ZNF723: variants seen among roughly 807,000 people sequenced by gnomAD.
ZNF723 encodes the protein zinc finger protein 723.
In ZNF723, 5 loss-of-function variants were observed where a neutral mutation model predicts 9.4. That is an observed-to-expected ratio of 0.53 (90% CI 0.28 to 1.12). The LOEUF is 1.12. Ranked by LOEUF, ZNF723 falls within the 50% of genes most tolerant of loss-of-function variation. The pLI, the probability that ZNF723 is intolerant of heterozygous loss-of-function variation, is 0.10. For synonymous variants in ZNF723, 158 were observed against 168.8 expected, an observed-to-expected ratio of 0.94 and a Z score of 0.49; for missense variants, 450 against 501.5, an observed-to-expected ratio of 0.90 and a Z score of 0.98.
chr19:22,845,864 A>T (rs1193671843), intron 1 of ZNF723, among the ~76,000 whole-genome samples: 1 of 146,862 alleles, frequency 6.8e-6, no homozygotes, highest in Non-Finnish European at 1.5e-5. Context: ...ATCCCAGAGA[A>T]GGAGGAGATA....
intron 1 of ZNF723, chr19:22,840,493 C>T (rs370590209): frequency 2.0e-5 from 3 of 152,058 alleles, no homozygotes; most frequent in African/African-American, 4.8e-5. Context: ...TTATAACGCT[C>T]ATGTTTCTCA....
the ZNF723 span, among the ~76,000 whole-genome samples, chr19:22,818,266 G>A: frequency 3.3e-5 from 5 of 151,912 alleles, no homozygotes; most frequent in Admixed American, 1.3e-4. Context: ...GGCCCAGCAC[G>A]CAGGTGAAAT....
intron 3 of ZNF723, among the ~76,000 whole-genome samples, chr19:22,855,602 C>T (rs888318683): frequency 6.6e-6 from 1 of 152,158 alleles, no homozygotes; most frequent in African/African-American, 2.4e-5. Context: ...AGGGCACATG[C>T]AGTGCCAATA....
chr19:22,823,221 A>AGAGT, the ZNF723 span, among the ~76,000 whole-genome samples: 2 of 152,326 alleles, frequency 1.3e-5, no homozygotes, highest in South Asian at 4.2e-4. Context: ...GGTGTCACCA[A>AGAGT]GAGTGTGGTA....
rs1161010776 is a variant in ZNF723, at chr19:22,857,610, T to C, written c.719T>C (p.Val240Ala). ...KCEECGKAFN[V>A]SSSLNNHKRI... Reference sequence around the variant, plus strand: ...GAAGAATGTGGCAAAGCCTTTAATGTGTCCTCAAGCCTTAATAATCATAAG... The same window carrying C: ...GAAGAATGTGGCAAAGCCTTTAATGCGTCCTCAAGCCTTAATAATCATAAG... Residue 240 changes from valine to alanine, a missense_variant, in exon 4 of 4, where the codon GTG becomes GCG. Transcript: ENST00000600766. 4 of 1,303,204 alleles carry C rather than the reference T, an allele frequency of 3.1e-6. No individual in the cohort carries two copies. Among genetic ancestry groups the C allele is most frequent in the Non-Finnish European group, 3.3e-6 (3 of 901,444 alleles). 80.7% of individuals were successfully genotyped at this position (1,303,204 alleles called of 1,614,324 possible). A position where few individuals can be genotyped will look rare whatever the true frequency, so the allele number is the denominator to read the frequency against.
At chr19:22,822,915 T>C in the ZNF723 span, among the ~76,000 whole-genome samples, 8 of 152,340 alleles carry the variant, frequency 5.3e-5, no homozygotes, top group African/African-American at 1.7e-4. Context: ...CAATGAGGGC[T>C]GTCATTCTCA....
intron 1 of ZNF723, among the ~76,000 whole-genome samples, chr19:22,837,289 A>G (rs558567501): frequency 3.5e-4 from 53 of 151,410 alleles, no homozygotes; most frequent in African/African-American, 1.2e-3. Context: ...AAAAAAAAAA[A>G]AAGAAAGAAA....
chr19:22,818,530 C>T, the ZNF723 span, among the ~76,000 whole-genome samples: 2 of 152,288 alleles, frequency 1.3e-5, no homozygotes, highest in African/African-American at 4.8e-5. Context: ...GTCCAGTCTA[C>T]AATTGAGATT....
chr19:22,851,330 C>T (rs1050547546), intron 3 of ZNF723, among the ~76,000 whole-genome samples: 1 of 151,940 alleles, frequency 6.6e-6, no homozygotes, highest in Non-Finnish European at 1.5e-5. Flanking sequence ...AGCAACCACA[C>T]CCAACTAATT....
intron 1 of ZNF723, among the ~76,000 whole-genome samples, chr19:22,837,304 AAAG>A (rs1967179451): frequency 6.6e-6 from 1 of 150,974 alleles, no homozygotes; most frequent in African/African-American, 2.5e-5. Flanking sequence ...AAGAAAGAAA[AAAG>A]AAAAGAAAGA....
At chr19:22,822,725 G>T in the ZNF723 span, among the ~76,000 whole-genome samples, 2 of 152,154 alleles carry the variant, frequency 1.3e-5, no homozygotes, top group Admixed American at 1.3e-4. Flanking sequence ...AGCTGGGTGT[G>T]GTGGTGGGTG....
In ZNF723 at chr19:22,858,243, A is replaced by C. The variant is rs1387445863; in HGVS notation, c.1352A>C (p.Lys451Thr). The change falls in exon 4 of 4, where the codon AAA becomes ACA. Residue 451 changes from lysine to threonine, a missense_variant. Physicochemically the swap from Lys to Thr is moderately conservative, Grantham distance 78. This residue lies in a region of ZNF723 where 237 missense variants were observed against 332.2 expected (regional missense o/e 0.71). Transcript: ENST00000600766. ...CATAAGATAATTCATACTAAAGAGA[A>C]ACCCTACAAATGTGAAGAATGTGGC... is the stretch of plus-strand genomic sequence containing the variant. ...TKHKIIHTKEKPYKCEECGKA... is the reference protein window; with the variant it reads ...TKHKIIHTKETPYKCEECGKA... 6 of 1,348,224 alleles carry C rather than the reference A, an allele frequency of 4.5e-6. No individual in the cohort carries two copies. In the Admixed American group the frequency reaches 1.0e-4, roughly 23 times the overall value. The allele number at this position is 1,348,224 out of a possible 1,614,324, so 83.5% of individuals were successfully genotyped here. A position where few individuals can be genotyped will look rare whatever the true frequency, so the allele number is the denominator to read the frequency against.
At chr19:22,827,432 TTTTTTG>T (rs1341476973), upstream of ZNF723, among the ~76,000 whole-genome samples, 75 of 99,140 alleles carry the variant, frequency 7.6e-4, no homozygotes, top group South Asian at 4.0e-3. Flanking sequence ...ACTATTTTTT[TTTTTTG>T]TTTTTTTGTT....
chr19:22,815,123 C>CA, the ZNF723 span, among the ~76,000 whole-genome samples: 1 of 152,078 alleles, frequency 6.6e-6, no homozygotes, highest in Non-Finnish European at 1.5e-5. Flanking sequence ...AGAATTCTGA[C>CA]ATATCACTGG....
chr19:22,856,628 C>T (rs1967483947), intron 3 of ZNF723, among the ~76,000 whole-genome samples: 1 of 152,168 alleles, frequency 6.6e-6, no homozygotes, highest in Non-Finnish European at 1.5e-5. Context: ...GCTGCTGTAA[C>T]ATTTACATTT....
the ZNF723 span, among the ~76,000 whole-genome samples, chr19:22,813,610 G>A: frequency 2.3e-4 from 35 of 151,796 alleles, no homozygotes; most frequent in East Asian, 3.0e-3. Flanking sequence ...GCATTGTGGC[G>A]GGTGTCTGTA....
At position 22,858,367 on chromosome 19, in the gene ZNF723, G is replaced by T; in HGVS notation, c.1476G>T (p.Lys492Asn). ...AAGAATGTGGCAAAGCCTTTAACAA[G>T]TCCTCAATTCTTAACAGACATAAGA... ...KCEECGKAFN[K>N]SSILNRHKII... The change falls in exon 4 of 4, where the codon AAG (lysine) becomes AAT (asparagine). Residue 492 changes from lysine to asparagine, a missense_variant. Transcript: ENST00000600766. 1 of 918,312 alleles carries T rather than the reference G, an allele frequency of 1.1e-6. No individual in the cohort carries two copies. The allele number at this position is 918,312 out of a possible 1,614,324, so 56.9% of individuals were successfully genotyped here.
At chr19:22,837,811 T>A (rs1320304964) in intron 1 of ZNF723, among the ~76,000 whole-genome samples, 1 of 152,172 alleles carries the variant, frequency 6.6e-6, no homozygotes, top group Admixed American at 6.5e-5. Flanking sequence ...TTGATCCTAG[T>A]GTTTTTTGCC....
intron 3 of ZNF723, among the ~76,000 whole-genome samples, chr19:22,850,221 T>G (rs1044719434): frequency 6.6e-6 from 1 of 152,146 alleles, no homozygotes; most frequent in Non-Finnish European, 1.5e-5. Context: ...GGAGGCTTTT[T>G]TTGAGATGGA....
Sources: gnomAD v4.1 joint callset for allele counts (sites outside exome capture counted in the v4.1 genomes callset) on GRCh38, gnomAD v4.1.1 for gene constraint, gnomAD v4.1.1 regional missense constraint, MANE v1.5 for transcripts, NCBI Gene and HGNC (gene_info 2026-07-23, HGNC 2026-07-21) for gene names.